SMYD3: variants seen among roughly 807,000 people sequenced by gnomAD.
The protein encoded by SMYD3 is SET and MYND domain containing 3.
In SMYD3, 36 loss-of-function variants were observed where a neutral mutation model predicts 57.7. The observed-to-expected ratio is 0.62, with a 90% CI of 0.48 to 0.82. The LOEUF is 0.82. Ranked by LOEUF, SMYD3 falls within the 40% of genes least tolerant of loss-of-function variation. The pLI is 0.00. For missense variants in SMYD3, 515 were observed against 538.8 expected (o/e 0.96, Z 0.44); for synonymous variants, 211 against 195.0 (o/e 1.08, Z -0.68).
At chr1:246,111,703 C>T (rs1291749166) in intron 5 of SMYD3, among the ~76,000 whole-genome samples, 56 of 152,208 alleles carry the variant, frequency 3.7e-4, no homozygotes, top group Non-Finnish European at 7.3e-5. Context: ...CCCTTTGCGT[C>T]CCACAGCAGT....
In SMYD3 at chr1:245,793,132, A is replaced by C. The variant is rs1558344292; in HGVS notation, c.1077-28983T>G. ...AGACCATCCTGGCTAACACGGTGAA[A>C]CCCCGTCTCTACTAAAAATACAAAA... On this transcript the variant is annotated intron_variant, in intron 10 of 11. Coordinates refer to ENST00000490107, the MANE Select transcript of SMYD3 (RefSeq NM_001167740.2). Among the ~76,000 whole-genome samples the C allele has an allele frequency of 2.0e-5, 3 of 146,714 alleles. 1 individual carries two copies. Among genetic ancestry groups the C allele is most frequent in the Non-Finnish European group, 4.5e-5 (3 of 66,732 alleles).
chr1:246,482,330 T>C (rs2068122275), intron 1 of SMYD3, among the ~76,000 whole-genome samples: 1 of 152,206 alleles, frequency 6.6e-6, no homozygotes, highest in Admixed American at 6.5e-5. Flanking sequence ...TCCTCAATGT[T>C]ATAGATACAT....
At position 246,128,022 on chromosome 1, in the gene SMYD3, TTTA is replaced by T. The variant is rs527286740; in HGVS notation, c.532-198088_532-198086del. ...TTTAATTATTAGTATTAAGTATGCA[TTTA>T]TTATTATCATCAACTTTTACAAAAT... On this transcript the variant is annotated intron_variant, in intron 5 of 11. Coordinates refer to ENST00000490107, the MANE Select transcript of SMYD3 (RefSeq NM_001167740.2). Among the ~76,000 whole-genome samples the T allele has an allele frequency of 2.8e-3, 433 of 152,304 alleles. 1 individual carries two copies. Among genetic ancestry groups the T allele is most frequent in the African/African-American group, 0.01 (418 of 41,574 alleles).
intron 5 of SMYD3, among the ~76,000 whole-genome samples, chr1:246,265,676 A>G (rs1364086962): frequency 6.6e-6 from 1 of 151,312 alleles, no homozygotes; most frequent in African/African-American, 2.4e-5. Flanking sequence ...TAAACATGTC[A>G]GAAATATTGT....
intron 5 of SMYD3, among the ~76,000 whole-genome samples, chr1:246,010,617 GA>G (rs1157591683): frequency 6.6e-6 from 1 of 152,198 alleles, no homozygotes; most frequent in East Asian, 1.9e-4. Flanking sequence ...GTGTGACGGA[GA>G]AAGTCCAAAT....
At chr1:246,224,378 T>A (rs2063299176) in intron 5 of SMYD3, among the ~76,000 whole-genome samples, 1 of 151,158 alleles carries the variant, frequency 6.6e-6, no homozygotes, top group Non-Finnish European at 1.5e-5. Flanking sequence ...ACTTGGTAGG[T>A]TAAAGGGACA....
intron 5 of SMYD3, among the ~76,000 whole-genome samples, chr1:246,042,516 C>T (rs964241006): frequency 2.0e-5 from 3 of 152,132 alleles, no homozygotes; most frequent in Non-Finnish European, 4.4e-5. Flanking sequence ...TTGGGAACAC[C>T]GTTCAATTAC....
At chr1:246,439,563 T>C (rs2067432399) in intron 1 of SMYD3, among the ~76,000 whole-genome samples, 2 of 152,178 alleles carry the variant, frequency 1.3e-5, no homozygotes, top group South Asian at 4.1e-4. Flanking sequence ...GTTTCTTTCC[T>C]TAGTGTGCCT....
chr1:245,799,911 C>G (rs2047771060), intron 10 of SMYD3, among the ~76,000 whole-genome samples: 1 of 152,164 alleles, frequency 6.6e-6, no homozygotes, highest in Non-Finnish European at 1.5e-5. Flanking sequence ...TGTCCATCTG[C>G]CCACCTCATG....
chr1:246,054,232 G>A (rs971445724), intron 5 of SMYD3, among the ~76,000 whole-genome samples: 3 of 152,152 alleles, frequency 2.0e-5, no homozygotes, highest in East Asian at 1.9e-4. Flanking sequence ...CACCGAGCAC[G>A]TATTAGAATG....
intron 1 of SMYD3, among the ~76,000 whole-genome samples, chr1:246,471,711 A>G (rs1009887545): frequency 6.6e-6 from 1 of 152,270 alleles, no homozygotes; most frequent in South Asian, 2.1e-4. Context: ...TTTTGGGCTC[A>G]TCAGGGATCC....
intron 5 of SMYD3, among the ~76,000 whole-genome samples, chr1:246,008,579 A>G (rs2059219920): frequency 6.6e-6 from 1 of 152,184 alleles, no homozygotes; most frequent in African/African-American, 2.4e-5. Flanking sequence ...TAAATACTAG[A>G]GGCTCTGGCA....
At chr1:246,210,818 C>G (rs765774521) in intron 5 of SMYD3, among the ~76,000 whole-genome samples, 1 of 152,076 alleles carries the variant, frequency 6.6e-6, no homozygotes, top group African/African-American at 2.4e-5. Flanking sequence ...TTTGACCGTA[C>G]GATCTTAACT....
chr1:245,911,160 C>T (rs1186320331), intron 8 of SMYD3, among the ~76,000 whole-genome samples: 8 of 152,018 alleles, frequency 5.3e-5, no homozygotes, highest in African/African-American at 1.4e-4. Flanking sequence ...ATTAAAACCA[C>T]AATGAGCTAT....
intron 8 of SMYD3, among the ~76,000 whole-genome samples, chr1:245,865,615 T>C (rs2051790321): frequency 6.6e-6 from 1 of 152,232 alleles, no homozygotes; most frequent in Non-Finnish European, 1.5e-5. Flanking sequence ...ACTGCTATGG[T>C]CTTTTCAGCA....
chr1:245,828,220 C>A (rs2049615831), intron 10 of SMYD3, among the ~76,000 whole-genome samples: 1 of 152,172 alleles, frequency 6.6e-6, no homozygotes, highest in Non-Finnish European at 1.5e-5. Flanking sequence ...AAATGCAATT[C>A]TCTCCAGAGT....
At chr1:245,988,589 A>C (rs1362996050) in intron 5 of SMYD3, 1 of 152,140 alleles carries the variant, frequency 6.6e-6, no homozygotes, top group African/African-American at 2.4e-5. Context: ...TATTCCCACC[A>C]TTGTCCCACC....
chr1:246,238,894 T>G (rs929219907), intron 5 of SMYD3, among the ~76,000 whole-genome samples: 1 of 59,894 alleles, frequency 1.7e-5, no homozygotes, highest in African/African-American at 5.8e-5. Context: ...CTTTGTTTGG[T>G]TTTTTTTTTT....
intron 10 of SMYD3, among the ~76,000 whole-genome samples, chr1:245,818,418 C>T (rs1451215773): frequency 2.6e-5 from 4 of 152,066 alleles, no homozygotes; most frequent in East Asian, 3.8e-4. Context: ...AAGGAACAAC[C>T]GGTACCAGCC....
Sources: gnomAD v4.1 joint callset for allele counts (sites outside exome capture counted in the v4.1 genomes callset) on GRCh38, gnomAD v4.1.1 for gene constraint, MANE v1.5 for transcripts, NCBI Gene and HGNC (gene_info 2026-07-23, HGNC 2026-07-21) for gene names.